Variants in SFTPD observed in about 807,000 individuals in gnomAD.
The protein encoded by SFTPD is surfactant protein D.
In SFTPD, 18 loss-of-function variants were observed where a neutral mutation model predicts 34.6. The ratio of observed to expected loss-of-function variants is 0.52; its 90% CI spans 0.36 to 0.77. SFTPD has a LOEUF of 0.77. Ranked by LOEUF, SFTPD falls within the 30% of genes least tolerant of loss-of-function variation. SFTPD has a pLI of 0.00. For missense variants in SFTPD, 433 were observed against 468.9 expected (o/e 0.92, Z 0.71); for synonymous variants, 155 against 180.9 (o/e 0.86, Z 1.15).
At chr10:79,953,754 T>A (rs10788319), upstream of SFTPD, among the ~76,000 whole-genome samples, 22,278 of 152,080 alleles carry the variant, frequency 0.15, 2,071 homozygotes, top group East Asian at 0.41. Context: ...TACCCCCTTT[T>A]CTCTCTCTTC....
At chr10:79,960,030 A>G (rs1260844401) in intron 1 of SFTPD, among the ~76,000 whole-genome samples, 1 of 151,658 alleles carries the variant, frequency 6.6e-6, no homozygotes, top group Non-Finnish European at 1.5e-5. Context: ...TATAAACAGA[A>G]CCAAAGACAA....
intron 1 of SFTPD, among the ~76,000 whole-genome samples, chr10:79,961,012 C>T (rs968240597): frequency 1.3e-5 from 2 of 152,192 alleles, no homozygotes; most frequent in African/African-American, 4.8e-5. Flanking sequence ...ACCATCTGAT[C>T]TTTGACAAAC....
chr10:79,973,481 A>C (rs1473555617), intron 1 of SFTPD, among the ~76,000 whole-genome samples: 4 of 151,838 alleles, frequency 2.6e-5, no homozygotes, highest in African/African-American at 7.3e-5. Context: ...AGCCAGGCGC[A>C]GTGATGGGTG....
chr10:79,965,038 A>G (rs1842795882), intron 1 of SFTPD, among the ~76,000 whole-genome samples: 2 of 152,142 alleles, frequency 1.3e-5, no homozygotes, highest in Non-Finnish European at 1.5e-5. Context: ...TGGAATCTTC[A>G]TACACTTTAC....
At chr10:79,963,928 T>C (rs1331564967) in intron 1 of SFTPD, among the ~76,000 whole-genome samples, 1 of 152,172 alleles carries the variant, frequency 6.6e-6, no homozygotes, top group Non-Finnish European at 1.5e-5. Context: ...CTAATCCACC[T>C]GGCATTCACT....
At chr10:79,961,317 G>C (rs1226296863) in intron 1 of SFTPD, among the ~76,000 whole-genome samples, 2 of 152,152 alleles carry the variant, frequency 1.3e-5, no homozygotes, top group African/African-American at 4.8e-5. Flanking sequence ...AAACTAAAGA[G>C]CTTCTGCACG....
chr10:79,974,823 C>T (rs1169709322), intron 1 of SFTPD, among the ~76,000 whole-genome samples: 1 of 152,162 alleles, frequency 6.6e-6, no homozygotes, highest in Non-Finnish European at 1.5e-5. Flanking sequence ...CCCAGCAGTG[C>T]TAGAGGAATT....
intron 1 of SFTPD, among the ~76,000 whole-genome samples, chr10:79,973,617 CAAA>C (rs5786429): frequency 7.7e-5 from 7 of 90,632 alleles, no homozygotes; most frequent in Admixed American, 4.0e-4. Context: ...GACTCTGTCT[CAAA>C]AAAAAAAAAA....
At chr10:79,952,506 CGTGGGGAGCTCTTAGGCA>C (rs1309435220), upstream of SFTPD, among the ~76,000 whole-genome samples, 1 of 152,194 alleles carries the variant, frequency 6.6e-6, no homozygotes, top group African/African-American at 2.4e-5. Context: ...TCTTCTCACA[CGTGGGGAGCTCTTAGGCA>C]GAGGAGAGCA....
intron 1 of SFTPD, among the ~76,000 whole-genome samples, chr10:79,956,072 G>A (rs1342384960): frequency 4.6e-5 from 7 of 152,156 alleles, no homozygotes; most frequent in East Asian, 1.9e-4. Context: ...TTAAAAAATC[G>A]TTATAGAATC....
intron 1 of SFTPD, among the ~76,000 whole-genome samples, chr10:79,947,079 T>G (rs1342597114): frequency 2.6e-5 from 4 of 152,246 alleles, no homozygotes; most frequent in African/African-American, 9.6e-5. Flanking sequence ...TCTGTACCAC[T>G]GAGGCAACTG....
intron 7 of SFTPD, among the ~76,000 whole-genome samples, 191 bp from the exon 8 acceptor site, chr10:79,938,419 A>G (rs1295005975): frequency 6.6e-6 from 1 of 152,152 alleles, no homozygotes; most frequent in African/African-American, 2.4e-5. Context: ...GTGAGGTGAC[A>G]CCATGATTCC....
At chr10:79,974,924 C>T (rs138917519) in intron 1 of SFTPD, among the ~76,000 whole-genome samples, 2,944 of 152,294 alleles carry the variant, frequency 0.019, 105 homozygotes, top group African/African-American at 0.066. Flanking sequence ...TTTCTATAGA[C>T]ATTCGATTAA....
intron 1 of SFTPD, chr10:79,972,509 C>CAG (rs113549673): frequency 1.8e-5 from 2 of 111,260 alleles, no homozygotes; most frequent in Non-Finnish European, 3.8e-5. Context: ...AAAACACACA[C>CAG]ACAGACACAC....
At chr10:79,950,538 G>A (rs1196184670), upstream of SFTPD, 1 of 152,192 alleles carries the variant, frequency 6.6e-6, no homozygotes, top group East Asian at 1.9e-4. Context: ...TAAGGTTTCT[G>A]CTAAGAAGTC....
At chr10:79,951,423 C>T (rs536218464), upstream of SFTPD, among the ~76,000 whole-genome samples, 13 of 152,164 alleles carry the variant, frequency 8.5e-5, no homozygotes, top group East Asian at 5.8e-4. Flanking sequence ...GGGTGCCTTC[C>T]GTGGGTCACA....
At chr10:79,982,056 T>G (rs1842894051) in intron 1 of SFTPD, 2 of 297,306 alleles carry the variant, frequency 6.7e-6, no homozygotes, top group East Asian at 1.5e-4. Flanking sequence ...GCCCTGGACG[T>G]GCGGGGGGTC....
At chr10:79,974,507 G>C (rs1349886269) in intron 1 of SFTPD, among the ~76,000 whole-genome samples, 1 of 151,972 alleles carries the variant, frequency 6.6e-6, no homozygotes, top group East Asian at 1.9e-4. Context: ...TTCTAGTCAT[G>C]CCTATATTTT....
At chr10:79,966,886 TG>T (rs1419395660) in intron 1 of SFTPD, among the ~76,000 whole-genome samples, 4 of 147,956 alleles carry the variant, frequency 2.7e-5, no homozygotes, top group Non-Finnish European at 5.9e-5. Flanking sequence ...CTTTGAAAAC[TG>T]GCACAAGACA....
Sources: gnomAD v4.1 joint callset for allele counts (sites outside exome capture counted in the v4.1 genomes callset) on GRCh38, gnomAD v4.1.1 for gene constraint, MANE v1.5 for transcripts, NCBI Gene and HGNC (gene_info 2026-07-23, HGNC 2026-07-21) for gene names.